The following IQUB variants were observed in gnomAD, a reference collection of about 807,000 sequenced individuals.
The protein encoded by IQUB is IQ motif and ubiquitin domain containing.
Under a neutral mutation model 86.4 loss-of-function variants are expected in IQUB, and 86 were observed. The ratio of observed to expected loss-of-function variants is 1.00; its 90% CI spans 0.84 to 1.19. The LOEUF (loss-of-function observed/expected upper bound fraction) is 1.19, where lower values mean the gene tolerates loss of function less well. Among genes scored for constraint, IQUB ranks in the 50% most tolerant of loss-of-function variants. The pLI, the probability that IQUB is intolerant of heterozygous loss-of-function variation, is 0.00. For synonymous variants in IQUB, 289 were observed against 304.5 expected, an observed-to-expected ratio of 0.95 and a Z score of 0.53; for missense variants, 946 against 916.9, an observed-to-expected ratio of 1.03 and a Z score of -0.41.
chr7:123,497,942 G>C (rs2117177029), intron 6 of IQUB, among the ~76,000 whole-genome samples: 1 of 151,932 alleles, frequency 6.6e-6, no homozygotes, highest in South Asian at 2.1e-4. Flanking sequence ...TCTGAGCAGA[G>C]TGGCCACTAA....
chr7:123,526,994 A>G (rs1277537747), intron 1 of IQUB, among the ~76,000 whole-genome samples: 1 of 152,050 alleles, frequency 6.6e-6, no homozygotes, highest in African/African-American at 2.4e-5. Context: ...TGGGTTGAAA[A>G]TTCTTTTCTT....
chr7:123,493,772 T>C (rs10276522), intron 7 of IQUB, among the ~76,000 whole-genome samples: 2,449 of 148,580 alleles, frequency 0.016, 62 homozygotes, highest in African/African-American at 0.057. Flanking sequence ...TGTGTGTGTG[T>C]GTGCATGTGT....
Position 123,469,380 on chromosome 7 carries a change from G to A in IQUB, c.1415C>T (p.Ser472Leu), listed in dbSNP as rs1422036174. 1.9e-6 allele frequency: 3 copies of A among 1,550,374 alleles called. No homozygotes were observed. In the East Asian group the frequency reaches 6.8e-5, roughly 35 times the overall value. The change falls in exon 9 of 13, where the codon TCA (serine) becomes TTA (leucine). Residue 472 changes from serine (S) to leucine (L), a missense_variant. Transcript: ENST00000324698. ...AGGGGTTCTCCATATTTTTGGAGCT[G>A]AACACTTAAAAATAATATTATGTTT... ...AAIQAFLDKC[S>L]APKIWRTPNG...
chr7:123,492,828 A>C lies in IQUB; in HGVS notation c.1234+3868T>G, dbSNP rs1041037034. The stretch of plus-strand genomic sequence containing the variant: ...AACTCCCCTGGCCCAAGACAGATGT[A>C]TCTGCACTCTAGGTAGCCACTTAGG... On this transcript the variant is annotated intron_variant, in intron 7 of 12. Transcript: ENST00000324698. 2.6e-5 allele frequency among the ~76,000 whole-genome samples: 4 copies of C among 152,102 alleles called. No homozygotes were observed. The East Asian group carries it at 7.7e-4, about 29-fold the overall frequency.
chr7:123,512,094 T>C lies in IQUB; in HGVS notation c.247A>G (p.Ile83Val), dbSNP rs1280487837. The change falls in exon 2 of 13, where the codon ATA (isoleucine) becomes GTA (valine). Residue 83 changes from isoleucine to valine, a missense_variant. Transcript: ENST00000324698. ...GTATATGAAACTTGTCTTGGTGATA[T>C]AACCTCTTCCATGAGTTGTTCATTG... ...PDNEQLMEEVISPRQVSYTPQ... is the reference protein window; with the variant it reads ...PDNEQLMEEVVSPRQVSYTPQ... 1 of 1,613,972 alleles carries C rather than the reference T, an allele frequency of 6.2e-7. No individual in the cohort carries two copies. The highest frequency in any genetic ancestry group is 8.5e-7 in the Non-Finnish European group (1 of 1,179,980).
chr7:123,476,719 A>G (rs1216395852), intron 8 of IQUB, among the ~76,000 whole-genome samples: 2 of 151,416 alleles, frequency 1.3e-5, no homozygotes, highest in Admixed American at 1.3e-4. Context: ...ATAAGGCAAG[A>G]CCTGTCTCAT....
rs1478681517 is a variant in IQUB, at chr7:123,469,210, A to G, written c.1581+4T>C. ...ACCCCCAAACTAAGAGAAAGTTAAC[A>G]TACCTTTACAGTGTGTTTAAGAGTT... On this transcript the variant is annotated splice_donor_region_variant and intron_variant, in intron 9 of 12. Transcript: ENST00000324698. 5 of 1,495,588 alleles carry G rather than the reference A, an allele frequency of 3.3e-6. No homozygotes were observed. Among genetic ancestry groups the G allele is most frequent in the Non-Finnish European group, 4.5e-6 (5 of 1,120,486 alleles). 92.6% of individuals were successfully genotyped at this position (1,495,588 alleles called of 1,614,324 possible). A position where few individuals can be genotyped will look rare whatever the true frequency, so the allele number is the denominator to read the frequency against.
chr7:123,525,378 C>A (rs564043204), intron 1 of IQUB, among the ~76,000 whole-genome samples: 63 of 152,162 alleles, frequency 4.1e-4, no homozygotes, highest in African/African-American at 1.4e-3. Flanking sequence ...ACAATTTCAG[C>A]TCCTGTTATT....
intron 11 of IQUB, chr7:123,459,698 A>C (rs1170609127): frequency 2.0e-5 from 3 of 152,016 alleles, no homozygotes; most frequent in Non-Finnish European, 4.4e-5. Context: ...CTCAGGAGAA[A>C]TCTGACTAAT....
chr7:123,495,447 TGAG>T (rs781262283), intron 7 of IQUB, among the ~76,000 whole-genome samples: 30 of 152,010 alleles, frequency 2.0e-4, no homozygotes, highest in Non-Finnish European at 3.7e-4. Flanking sequence ...AACTGCAACT[TGAG>T]GAACAGAACA....
intron 6 of IQUB, among the ~76,000 whole-genome samples, chr7:123,499,656 A>C (rs1795853912): frequency 6.6e-6 from 1 of 152,202 alleles, no homozygotes; most frequent in Non-Finnish European, 1.5e-5. Context: ...AAAGCCTAGT[A>C]AGGTTCTTGA....
At chr7:123,499,936 C>T (rs2117187934) in intron 6 of IQUB, among the ~76,000 whole-genome samples, 1 of 152,230 alleles carries the variant, frequency 6.6e-6, no homozygotes, top group South Asian at 2.1e-4. Context: ...GTAAAGAAGC[C>T]AGCTAAATCC....
At chr7:123,464,673 C>T (rs1794164070) in intron 10 of IQUB, among the ~76,000 whole-genome samples, 160 bp downstream of exon 10, 1 of 151,794 alleles carries the variant, frequency 6.6e-6, no homozygotes, top group Non-Finnish European at 1.5e-5. Flanking sequence ...GTTTAATTTA[C>T]CAACATAACA....
intron 1 of IQUB, 116 bp from the exon 2 acceptor site, chr7:123,512,460 T>C (rs1796463656): frequency 7.2e-6 from 4 of 555,558 alleles, no homozygotes; most frequent in Non-Finnish European, 1.2e-5. Context: ...GTTGCTCAAT[T>C]TAAAAAAATG....
intron 1 of IQUB, among the ~76,000 whole-genome samples, chr7:123,523,561 T>C (rs576156612): frequency 1.0e-3 from 158 of 152,238 alleles, no homozygotes; most frequent in Non-Finnish European, 1.5e-3. Flanking sequence ...TTTGTTTTTT[T>C]CTTGTAAATT....
Position 123,502,738 on chromosome 7 carries a change from T to C in IQUB, c.882A>G (p.Lys294=), listed in dbSNP as rs762043013. ...TATTTGTAGTTTGTTGGAGATTTTT[T>C]TTCTGAAAAACTGTCTAAAAGAAAA... is the stretch of plus-strand genomic sequence containing the variant. ...FCRDTQTVFQ[K]KNLQQTTNTT... is the part of the protein sequence containing the mutation. Residue 294 remains lysine, a synonymous_variant, in exon 6 of 13, where the codon AAA becomes AAG. Coordinates refer to ENST00000324698, the MANE Select transcript of IQUB (RefSeq NM_178827.5). The C allele has an allele frequency of 3.7e-6, 6 of 1,602,184 alleles. No homozygotes were observed. The South Asian group carries it at 4.5e-5, about 12-fold the overall frequency.
chr7:123,526,764 T>C (rs1797236265), intron 1 of IQUB, among the ~76,000 whole-genome samples: 1 of 151,980 alleles, frequency 6.6e-6, no homozygotes, highest in South Asian at 2.1e-4. Context: ...GTTATTTTGC[T>C]CATTAGTTGA....
chr7:123,528,624 A>C (rs143035925), intron 1 of IQUB, among the ~76,000 whole-genome samples: 5 of 152,292 alleles, frequency 3.3e-5, no homozygotes, highest in African/African-American at 1.2e-4. Flanking sequence ...GGTCCTGGTG[A>C]TGAAGAAAAA....
chr7:123,497,040 T>C (rs974868139), intron 6 of IQUB, 134 bp from the exon 7 acceptor site: 4 of 596,496 alleles, frequency 6.7e-6, no homozygotes, highest in Middle Eastern at 4.3e-4. Context: ...CAAATACATA[T>C]TTTCACAAAC....
Sources: allele counts gnomAD v4.1 joint callset (sites outside exome capture counted in the v4.1 genomes callset), GRCh38; gene constraint gnomAD v4.1.1; transcripts MANE v1.5; gene names NCBI Gene and HGNC (gene_info 2026-07-23, HGNC 2026-07-21).